The following ALG8 variants were observed in gnomAD, a reference collection of about 807,000 sequenced individuals.
The protein encoded by ALG8 is ALG8 alpha-1,3-glucosyltransferase.
In ALG8, 48 loss-of-function variants were observed where a neutral mutation model predicts 70.2. That is an observed-to-expected ratio of 0.68 (90% CI 0.54 to 0.87). The LOEUF (loss-of-function observed/expected upper bound fraction) is 0.87. Among genes scored for constraint, ALG8 ranks in the 40% least tolerant of loss-of-function variants. ALG8 has a pLI of 0.00. For missense variants in ALG8, 572 were observed against 608.7 expected (o/e 0.94, Z 0.64); for synonymous variants, 234 against 229.0 (o/e 1.02, Z -0.20).
intron 5 of ALG8, 113 bp downstream of exon 5, chr11:78,119,069 C>T: frequency 1.3e-6 from 1 of 778,254 alleles, no homozygotes; most frequent in African/African-American, 1.7e-5. Flanking sequence ...GTCTATCGCA[C>T]TTGGCAGCTC....
At chr11:78,112,267 G>T in intron 8 of ALG8, 1 of 319,950 alleles carries the variant, frequency 3.1e-6, no homozygotes, top group South Asian at 2.8e-5. Flanking sequence ...GTGACAGTGA[G>T]ACCCTGTCTC....
At chr11:78,127,483 T>C (rs767413143) in intron 1 of ALG8, 47 bp from the exon 2 acceptor site, 7 of 1,517,544 alleles carry the variant, frequency 4.6e-6, no homozygotes, top group East Asian at 2.3e-5. Flanking sequence ...GCAATATTTA[T>C]CAATTTCTAA....
At chr11:78,132,897 C>T (rs1373616543) in intron 1 of ALG8, among the ~76,000 whole-genome samples, 1 of 144,388 alleles carries the variant, frequency 6.9e-6, no homozygotes, top group East Asian at 2.0e-4. Flanking sequence ...AGTGCAGTGG[C>T]GCTATCTCGG....
intron 8 of ALG8, among the ~76,000 whole-genome samples, chr11:78,110,557 A>G (rs1162719410): frequency 6.6e-6 from 1 of 152,112 alleles, no homozygotes; most frequent in Non-Finnish European, 1.5e-5. Flanking sequence ...CATTTCCTCT[A>G]CTATACTGTA....
chr11:78,113,853 T>C (rs1348649300), intron 7 of ALG8, 33 bp downstream of exon 7: 2 of 1,329,224 alleles, frequency 1.5e-6, no homozygotes, highest in East Asian at 2.6e-5. Context: ...AAAGAACATG[T>C]ATTAATTGAA....
chr11:78,115,177 C>G (rs889870059), intron 5 of ALG8, among the ~76,000 whole-genome samples: 1 of 151,662 alleles, frequency 6.6e-6, no homozygotes, highest in Non-Finnish European at 1.5e-5. Flanking sequence ...GGACTACAGG[C>G]GTGTGCCAAC....
At chr11:78,138,000 G>A (rs1173263262) in intron 1 of ALG8, among the ~76,000 whole-genome samples, 1 of 152,110 alleles carries the variant, frequency 6.6e-6, no homozygotes, top group African/African-American at 2.4e-5. Context: ...TACATGTGCT[G>A]CCAAAGTGAG....
chr11:78,107,094 GCA>G (rs1447433383), intron 9 of ALG8, 148 bp from the exon 10 acceptor site: 6 of 1,052,176 alleles, frequency 5.7e-6, no homozygotes, highest in African/African-American at 1.6e-5. Context: ...ATCACTTTGT[GCA>G]CAGTCTAACA....
intron 1 of ALG8, among the ~76,000 whole-genome samples, chr11:78,132,815 T>G (rs1861359834): frequency 7.4e-6 from 1 of 134,432 alleles, no homozygotes; most frequent in Non-Finnish European, 1.5e-5. Context: ...CCTGATAGGA[T>G]CCTGTTCTTC....
At chr11:78,127,981 C>G (rs982610402) in intron 1 of ALG8, among the ~76,000 whole-genome samples, 1 of 152,178 alleles carries the variant, frequency 6.6e-6, no homozygotes, top group Non-Finnish European at 1.5e-5. Context: ...GGATTACAGG[C>G]GTGAGCCACC....
In ALG8 at chr11:78,104,377, G is replaced by C. The variant is rs746176795; in HGVS notation, c.1255C>G (p.Pro419Ala). Reference protein sequence around the residue: ...LTTTGHYSLFPLLFTAPELPI... With the variant: ...LTTTGHYSLFALLFTAPELPI... ...TTACCTGGTGCAGTGAAGAGCAGAG[G>C]AAAGAGGGAATAATGTCCTGTTGTG... The change falls in exon 11 of 13, where the codon CCT becomes GCT. Residue 419 changes from proline (P) to alanine (A), a missense_variant. By Grantham distance (27) the Pro-to-Ala change is conservative. Coordinates refer to ENST00000299626, the MANE Select transcript of ALG8 (RefSeq NM_024079.5). 4 of 1,597,410 alleles carry C rather than the reference G, an allele frequency of 2.5e-6. No individual in the cohort carries two copies. Among genetic ancestry groups the C allele is most frequent in the Admixed American group, 1.7e-5 (1 of 57,414 alleles).
At chr11:78,138,972 A>G in intron 1 of ALG8, 1 of 347,784 alleles carries the variant, frequency 2.9e-6, no homozygotes, top group Non-Finnish European at 5.6e-6. Flanking sequence ...TGCTTTCCAC[A>G]TCACTTATTC....
At chr11:78,101,733 T>C (rs1859805073) in intron 12 of ALG8, among the ~76,000 whole-genome samples, 1 of 152,236 alleles carries the variant, frequency 6.6e-6, no homozygotes, top group Admixed American at 6.5e-5. Flanking sequence ...TGCTGTTATT[T>C]AGCTCAAGCT....
At chr11:78,116,326 C>T (rs186031431) in intron 5 of ALG8, among the ~76,000 whole-genome samples, 204 of 152,092 alleles carry the variant, frequency 1.3e-3, no homozygotes, top group Middle Eastern at 0.01. Context: ...GCTGAGATCG[C>T]GCCACTGCAC....
chr11:78,115,375 A>T (rs913484226), intron 5 of ALG8, among the ~76,000 whole-genome samples: 6 of 151,954 alleles, frequency 3.9e-5, no homozygotes, highest in Admixed American at 3.3e-4. Context: ...AAACATAGGC[A>T]AGTGATTCCA....
In ALG8 at chr11:78,118,070, C is replaced by CA. The variant is rs10710282; in HGVS notation, c.546+1111dup. 1.1e-3 allele frequency among the ~76,000 whole-genome samples: 121 copies of CA among 111,384 alleles called. 1 individual carries two copies. The highest frequency in any genetic ancestry group is 4.8e-3 in the Middle Eastern group (1 of 210). The allele number at this position is 111,384 out of a possible 152,430, so 73.1% of individuals were successfully genotyped here. A position where few individuals can be genotyped will look rare whatever the true frequency, so the allele number is the denominator to read the frequency against. On this transcript the variant is annotated intron_variant, in intron 5 of 12. Coordinates refer to ENST00000299626, the MANE Select transcript of ALG8 (RefSeq NM_024079.5). ...TGGGAGACAGGGCGAGACTCCGTCTCAAAAAAAAAAAAAAAGAAAAAAAAA... is the reference window on the plus strand; with the variant it reads ...TGGGAGACAGGGCGAGACTCCGTCTCAAAAAAAAAAAAAAAAGAAAAAAAAA...
At position 78,109,500 on chromosome 11, in the gene ALG8, G is replaced by C. The variant is rs141068538; in HGVS notation, c.980C>G (p.Thr327Arg). Residue 327 changes from threonine (T) to arginine (R), a missense_variant, in exon 9 of 13, where the codon ACA becomes AGA. Transcript: ENST00000299626. ...CAAGGGAGTCACTGAGGGAAGGACTGTGTGTTGGAACTGCTGAACCAAACC... is the reference window on the plus strand; with the variant it reads ...CAAGGGAGTCACTGAGGGAAGGACTCTGTGTTGGAACTGCTGAACCAAACC... ...TSGLVQQFQH[T>R]VLPSVTPLAT... 2.5e-4 allele frequency: 399 copies of C among 1,614,070 alleles called. No homozygotes were observed. Among genetic ancestry groups the C allele is most frequent in the Non-Finnish European group, 2.9e-4 (344 of 1,180,012 alleles).
chr11:78,106,797 A>G lies in ALG8; in HGVS notation c.1178+10T>C, dbSNP rs1860053055. ...TGCCAAAATGCTCACTGGCTGAGCT[A>G]TCTGCTTACCTCATTGGGAGAATTG... On this transcript the variant is annotated intron_variant, in intron 10 of 12. Coordinates refer to ENST00000299626, the MANE Select transcript of ALG8 (RefSeq NM_024079.5). 9.3e-6 allele frequency: 15 copies of G among 1,613,914 alleles called. No individual in the cohort carries two copies. The highest frequency in any genetic ancestry group is 1.3e-5 in the Non-Finnish European group (15 of 1,179,896).
intron 5 of ALG8, among the ~76,000 whole-genome samples, chr11:78,116,511 AG>A (rs375100756): frequency 8.8e-4 from 134 of 152,234 alleles, no homozygotes; most frequent in African/African-American, 3.1e-3. Flanking sequence ...CGAAGTCAGG[AG>A]ATCCAGACCA....
Sources: allele counts gnomAD v4.1 joint callset (sites outside exome capture counted in the v4.1 genomes callset), GRCh38; gene constraint gnomAD v4.1.1; transcripts MANE v1.5; gene names NCBI Gene and HGNC (gene_info 2026-07-23, HGNC 2026-07-21).